The following CD1B variants were observed in gnomAD, a reference collection of about 807,000 sequenced individuals.
CD1B encodes the protein T-cell surface glycoprotein CD1b.
A neutral mutation model predicts 39.8 loss-of-function variants in CD1B; 43 were observed. The ratio of observed to expected loss-of-function variants is 1.08; its 90% CI spans 0.85 to 1.39. CD1B has a LOEUF of 1.39. CD1B is among the 40% of genes most tolerant of loss of function. The probability of loss-of-function intolerance (pLI) is 0.00; values close to 1 mark genes in which losing one functional copy is unlikely to be tolerated. For synonymous variants in CD1B, 192 were observed against 152.5 expected (o/e 1.26, Z -1.91); for missense variants, 495 against 403.8 (o/e 1.23, Z -1.94).
At chr1:158,287,576 A>C in the CD1B span, among the ~76,000 whole-genome samples, 2 of 152,196 alleles carry the variant, frequency 1.3e-5, no homozygotes, top group African/African-American at 4.8e-5. Context: ...CAGTATGAGC[A>C]AGATCACTTG....
chr1:158,330,550 A>G (rs1652556968), intron 2 of CD1B: 3 of 676,726 alleles, frequency 4.4e-6, no homozygotes, highest in South Asian at 1.5e-5. Context: ...CACATAAGAC[A>G]AACCAGCAGC....
the CD1B span, chr1:158,291,302 G>A: frequency 6.2e-7 from 1 of 1,614,132 alleles, no homozygotes; most frequent in Non-Finnish European, 8.5e-7. Flanking sequence ...GGCAACTTCA[G>A]CAATGAAGAG....
chr1:158,328,197 G>C lies in CD1B; in HGVS notation c.*39C>G. On this transcript the variant is annotated 3_prime_UTR_variant, in exon 6 of 6. Coordinates refer to ENST00000368168, the MANE Select transcript of CD1B (RefSeq NM_001764.3). ...TTTGGGCTGATATCTTGGGCTTCTT[G>C]GTACTTATTGCGAATGGGAGAGGAG... 6.4e-7 allele frequency: 1 copy of C among 1,553,662 alleles called. No individual in the cohort carries two copies.
At chr1:158,328,844 A>G (rs752977692) in intron 5 of CD1B, 77 bp downstream of exon 5, 3 of 1,035,956 alleles carry the variant, frequency 2.9e-6, no homozygotes, top group Non-Finnish European at 4.3e-6. Context: ...TTTTAAATAG[A>G]TAAAATGGTA....
chr1:158,294,127 TAGAC>T, the CD1B span, among the ~76,000 whole-genome samples: 17 of 152,300 alleles, frequency 1.1e-4, no homozygotes, highest in South Asian at 1.0e-3. Flanking sequence ...CAAATGCAAA[TAGAC>T]AGAGAGTGTG....
the CD1B span, among the ~76,000 whole-genome samples, chr1:158,309,531 C>G: frequency 6.6e-6 from 1 of 152,092 alleles, no homozygotes; most frequent in Non-Finnish European, 1.5e-5. Flanking sequence ...CACATGCACA[C>G]ATATGTTTAT....
At chr1:158,325,487 A>G (rs940791331), downstream of CD1B, among the ~76,000 whole-genome samples, 1 of 152,228 alleles carries the variant, frequency 6.6e-6, no homozygotes, top group African/African-American at 2.4e-5. Context: ...GCTTCTCACT[A>G]CATTTTTGAA....
the CD1B span, among the ~76,000 whole-genome samples, chr1:158,298,891 C>T: frequency 6.6e-6 from 1 of 152,180 alleles, no homozygotes; most frequent in African/African-American, 2.4e-5. Context: ...GCTGAAGTTG[C>T]TTATCAGTTT....
At chr1:158,313,489 T>A in the CD1B span, among the ~76,000 whole-genome samples, 1 of 152,152 alleles carries the variant, frequency 6.6e-6, no homozygotes, top group Admixed American at 6.5e-5. Flanking sequence ...ATTTGTACTT[T>A]TTTTAGAGAC....
At chr1:158,291,391 T>G in the CD1B span, 12 of 1,613,412 alleles carry the variant, frequency 7.4e-6, no homozygotes, top group East Asian at 2.7e-4. Context: ...AAGTCAAGAT[T>G]ACTCGAAATG....
chr1:158,298,567 T>C, the CD1B span, among the ~76,000 whole-genome samples: 1 of 152,226 alleles, frequency 6.6e-6, no homozygotes, highest in Non-Finnish European at 1.5e-5. Flanking sequence ...CATTGGTAGC[T>C]TGATAGGGAT....
chr1:158,321,500 A>G, the CD1B span, among the ~76,000 whole-genome samples: 3 of 152,238 alleles, frequency 2.0e-5, no homozygotes, highest in Non-Finnish European at 2.9e-5. Flanking sequence ...TAATCCATTT[A>G]CATTCAAGGT....
the CD1B span, chr1:158,292,712 G>T: frequency 6.2e-7 from 1 of 1,614,198 alleles, no homozygotes; most frequent in South Asian, 1.1e-5. Context: ...GATGCGGAAT[G>T]AACAGGAGCA....
chr1:158,329,475 A>G lies in CD1B; in HGVS notation c.781T>C (p.Trp261Arg). The G allele has an allele frequency of 6.2e-7, 1 of 1,614,126 alleles. No homozygotes were observed. The highest frequency in any genetic ancestry group is 8.5e-7 in the Non-Finnish European group (1 of 1,180,018). Residue 261 changes from tryptophan (W) to arginine (R), a missense_variant, in exon 4 of 6, where the codon TGG (tryptophan) becomes CGG (arginine). Transcript: ENST00000368168. ...GDILPNANWT[W>R]YLRATLDVAD... is the part of the protein sequence containing the mutation. ...ACATCCAGGGTTGCTCGGAGATACC[A>G]TGTCCAGTTAGCATTGGGCAGGATG...
At chr1:158,319,562 T>C in the CD1B span, among the ~76,000 whole-genome samples, 6 of 152,276 alleles carry the variant, frequency 3.9e-5, no homozygotes, top group South Asian at 2.1e-4. Flanking sequence ...TTATACATTC[T>C]TCTAAATTTT....
the CD1B span, among the ~76,000 whole-genome samples, chr1:158,314,650 T>TA: frequency 3.3e-5 from 5 of 149,464 alleles, no homozygotes; most frequent in East Asian, 1.9e-4. Context: ...TTGTTTTTTT[T>TA]ATTTTTTTAT....
the CD1B span, among the ~76,000 whole-genome samples, chr1:158,309,468 A>G: frequency 6.6e-6 from 1 of 152,256 alleles, no homozygotes; most frequent in South Asian, 2.1e-4. Context: ...TGACCCAGCC[A>G]TCCCATTACT....
the CD1B span, among the ~76,000 whole-genome samples, chr1:158,305,904 C>G: frequency 6.6e-6 from 1 of 152,180 alleles, no homozygotes; most frequent in Non-Finnish European, 1.5e-5. Context: ...CATCACCAGG[C>G]CTGCCCTACA....
chr1:158,315,071 G>C, the CD1B span, among the ~76,000 whole-genome samples: 1 of 150,554 alleles, frequency 6.6e-6, no homozygotes, highest in Non-Finnish European at 1.5e-5. Flanking sequence ...GGACATTTGG[G>C]TTGGTTCCAA....
Sources: allele counts gnomAD v4.1 joint callset (sites outside exome capture counted in the v4.1 genomes callset), GRCh38; gene constraint gnomAD v4.1.1; transcripts MANE v1.5; gene names NCBI Gene and HGNC (gene_info 2026-07-23, HGNC 2026-07-21).